The following INPP5D variants were observed in gnomAD, a reference collection of about 807,000 sequenced individuals.
INPP5D encodes phosphatidylinositol 3,4,5-trisphosphate 5-phosphatase 1.
In INPP5D, 33 loss-of-function variants were observed where a neutral mutation model predicts 122.9. The ratio of observed to expected loss-of-function variants is 0.27; its 90% CI spans 0.20 to 0.36. The LOEUF (loss-of-function observed/expected upper bound fraction) is 0.36. Among genes scored for constraint, INPP5D ranks in the 10% least tolerant of loss-of-function variants. The pLI is 1.00. For missense variants in INPP5D, 1,053 were observed against 1,412.7 expected (o/e 0.75, Z 4.08); for synonymous variants, 584 against 576.2 (o/e 1.01, Z -0.19).
chr2:233,107,109 G>A (rs1213277903), intron 2 of INPP5D, among the ~76,000 whole-genome samples: 1 of 152,196 alleles, frequency 6.6e-6, no homozygotes, highest in African/African-American at 2.4e-5. Context: ...CCCAGCTCAT[G>A]GGGGATAAGG....
chr2:233,067,228 C>T (rs536351426), intron 1 of INPP5D, among the ~76,000 whole-genome samples: 2 of 152,356 alleles, frequency 1.3e-5, no homozygotes, highest in South Asian at 4.1e-4. Context: ...CCACCCAAAC[C>T]CTGGCAGCAA....
At position 233,085,301 on chromosome 2, in the gene INPP5D, G is replaced by A. The variant is rs553539453; in HGVS notation, c.198+5903G>A. 7.2e-5 allele frequency among the ~76,000 whole-genome samples: 11 copies of A among 151,916 alleles called. No homozygotes were observed. The South Asian group carries it at 2.3e-3, about 32-fold the overall frequency. On this transcript the variant is annotated intron_variant, in intron 2 of 26. Transcript: ENST00000445964. ...CTCCGGAGGCTGAGGTGGGAGGATC[G>A]CTTGAACCTGAGAGGCAGAGGCTGC...
In INPP5D at chr2:233,189,000, G is replaced by C. The variant is rs1443664985; in HGVS notation, c.2359-850G>C. Among the ~76,000 whole-genome samples, 1 of 152,138 alleles carries C rather than the reference G, an allele frequency of 6.6e-6. No homozygotes were observed. The highest frequency in any genetic ancestry group is 6.5e-5 in the Admixed American group (1 of 15,280). On this transcript the variant is annotated intron_variant, in intron 21 of 26. Coordinates refer to ENST00000445964, the MANE Select transcript of INPP5D (RefSeq NM_001017915.3). The surrounding 1 kb of genome is among the most constrained non-coding windows in gnomAD (Gnocchi z 4.7). ...GAACAAAGTATCACCTTTTTATTTG[G>C]CCCTTCTGTATGGGAGTCATCGTGA...
chr2:233,184,296 C>T, intron 19 of INPP5D, 112 bp from the exon 20 acceptor site: 18 of 1,443,526 alleles, frequency 1.2e-5, no homozygotes, highest in Non-Finnish European at 1.6e-5. Flanking sequence ...CACTAGACTC[C>T]CACCTTCCTG....
Position 233,183,901 on chromosome 2 carries a change from A to T in INPP5D, c.2162-507A>T, listed in dbSNP as rs1326275559. Among the ~76,000 whole-genome samples the T allele has an allele frequency of 6.6e-6, 1 of 152,254 alleles. No individual in the cohort carries two copies. Among genetic ancestry groups the T allele is most frequent in the Non-Finnish European group, 1.5e-5 (1 of 68,046 alleles). On this transcript the variant is annotated intron_variant, in intron 19 of 26. Transcript: ENST00000445964. The surrounding 1 kb of genome is among the most constrained non-coding windows in gnomAD (Gnocchi z 4.6). ...GCAGCTTAAGGATGCTTGCAAAAGC[A>T]TCGTCTAAATTAATACAGTTGCAGG...
At chr2:233,174,050 T>A (rs535168891) in intron 17 of INPP5D, among the ~76,000 whole-genome samples, 1 of 152,330 alleles carries the variant, frequency 6.6e-6, no homozygotes, top group Non-Finnish European at 1.5e-5. Flanking sequence ...CTCGGGGCAA[T>A]AACATGGAGC....
At chr2:233,165,690 ATG>A (rs1360219685) in intron 13 of INPP5D, among the ~76,000 whole-genome samples, 2 of 151,672 alleles carry the variant, frequency 1.3e-5, no homozygotes, top group Non-Finnish European at 2.9e-5. Context: ...GAGTCTATGT[ATG>A]TGAGTCCATG....
At chr2:233,118,596 T>C (rs1250912508) in intron 2 of INPP5D, among the ~76,000 whole-genome samples, 2 of 152,372 alleles carry the variant, frequency 1.3e-5, no homozygotes, top group South Asian at 2.1e-4. Flanking sequence ...TGCCTTTGCC[T>C]GGTTGGTGCC....
intron 5 of INPP5D, 118 bp downstream of exon 5, chr2:233,130,766 T>G: frequency 9.5e-7 from 1 of 1,050,202 alleles, no homozygotes; most frequent in South Asian, 1.3e-5. Context: ...GCACTCACAA[T>G]AATTGAGTGG....
At chr2:233,088,142 A>AT (rs1257462376) in intron 2 of INPP5D, among the ~76,000 whole-genome samples, 2 of 151,684 alleles carry the variant, frequency 1.3e-5, no homozygotes, top group African/African-American at 4.9e-5. Context: ...CCCCCGACTA[A>AT]TTTTTTGTAT....
At chr2:233,126,848 A>G (rs1194267504) in intron 4 of INPP5D, among the ~76,000 whole-genome samples, 1 of 152,108 alleles carries the variant, frequency 6.6e-6, no homozygotes, top group East Asian at 1.9e-4. Flanking sequence ...TGAACCTGGG[A>G]AGCAGAGGTT....
chr2:233,137,116 G>A (rs1016160156), intron 5 of INPP5D, among the ~76,000 whole-genome samples: 1 of 152,036 alleles, frequency 6.6e-6, no homozygotes, highest in Non-Finnish European at 1.5e-5. Flanking sequence ...CAAGATAATA[G>A]CCTGAAATAA....
chr2:233,101,537 ATATAT>A (rs1469076095), intron 2 of INPP5D, among the ~76,000 whole-genome samples: 1 of 147,488 alleles, frequency 6.8e-6, no homozygotes, highest in Admixed American at 6.8e-5. Context: ...ATGATATATC[ATATAT>A]TATATTATAA....
In INPP5D at chr2:233,189,545, C is replaced by G. The variant is rs553679861; in HGVS notation, c.2359-305C>G. ...ACCCTGGCCTAGGGATGGGAAGGAA[C>G]GGGGGCAATGGATGGGGCCCATCTG... On this transcript the variant is annotated intron_variant, in intron 21 of 26. Coordinates refer to ENST00000445964, the MANE Select transcript of INPP5D (RefSeq NM_001017915.3). This position sits in a 1 kb window ranked among gnomAD's most constrained non-coding sequence, Gnocchi z 5.6. Among the ~76,000 whole-genome samples the G allele has an allele frequency of 6.6e-6, 1 of 152,092 alleles. No homozygotes were observed. The highest frequency in any genetic ancestry group is 1.9e-4 in the East Asian group (1 of 5,180).
chr2:233,085,622 T>A (rs1451959741), intron 2 of INPP5D, among the ~76,000 whole-genome samples: 1 of 152,154 alleles, frequency 6.6e-6, no homozygotes, highest in Non-Finnish European at 1.5e-5. Flanking sequence ...TTCTGTTAGG[T>A]CTTTGAGTAA....
Position 233,099,749 on chromosome 2 carries a change from T to TG in INPP5D, c.198+20352dup, listed in dbSNP as rs1692249965. On this transcript the variant is annotated intron_variant, in intron 2 of 26. Transcript: ENST00000445964. ...GCTTTCCTTGAAAAATCTGAAGATC[T>TG]GATACCCTTGATTATTCCACAGTGA... Among the ~76,000 whole-genome samples the TG allele has an allele frequency of 2.0e-5, 3 of 152,342 alleles. No individual in the cohort carries two copies. In the South Asian group the frequency reaches 6.2e-4, roughly 32 times the overall value.
intron 2 of INPP5D, among the ~76,000 whole-genome samples, chr2:233,093,262 G>T (rs1692037237): frequency 6.6e-6 from 1 of 152,160 alleles, no homozygotes; most frequent in Admixed American, 6.5e-5. Context: ...ATACAAAACA[G>T]AAGTAAAATC....
At chr2:233,098,326 G>A (rs1186694692) in intron 2 of INPP5D, among the ~76,000 whole-genome samples, 1 of 152,136 alleles carries the variant, frequency 6.6e-6, no homozygotes, top group Admixed American at 6.5e-5. Flanking sequence ...CCAGCACCGT[G>A]GATAGGAGCT....
chr2:233,107,095 G>T (rs1692486170), intron 2 of INPP5D, among the ~76,000 whole-genome samples: 1 of 152,324 alleles, frequency 6.6e-6, no homozygotes, highest in East Asian at 1.9e-4. Context: ...ATCCCAGTGG[G>T]AATCCCAGCT....
Sources: allele counts gnomAD v4.1 joint callset (sites outside exome capture counted in the v4.1 genomes callset), GRCh38; gene constraint gnomAD v4.1.1; non-coding constraint Gnocchi (gnomAD v3.1); transcripts MANE v1.5; gene names NCBI Gene and HGNC (gene_info 2026-07-23, HGNC 2026-07-21).